The following MOXD1 variants were observed in gnomAD, a reference collection of about 807,000 sequenced individuals.
MOXD1 encodes DBH-like monooxygenase protein 1.
A neutral mutation model predicts 66.6 loss-of-function variants in MOXD1; 62 were observed. That is an observed-to-expected ratio of 0.93 (90% CI 0.76 to 1.15). MOXD1 has a LOEUF of 1.15. Among genes scored for constraint, MOXD1 ranks in the 50% most tolerant of loss-of-function variants. The probability of loss-of-function intolerance (pLI) is 0.00; values close to 1 mark genes in which losing one functional copy is unlikely to be tolerated. For missense variants in MOXD1, 847 were observed against 754.6 expected, an observed-to-expected ratio of 1.12 and a Z score of -1.44; for synonymous variants, 303 against 281.9, an observed-to-expected ratio of 1.07 and a Z score of -0.75.
At chr6:132,391,100 G>T (rs934299692) in intron 1 of MOXD1, 1 of 151,310 alleles carries the variant, frequency 6.6e-6, no homozygotes, top group Non-Finnish European at 1.5e-5. Context: ...GTTACCTAAG[G>T]TTTAGTTTTC....
intron 1 of MOXD1, among the ~76,000 whole-genome samples, chr6:132,389,476 T>C (rs1776712470): frequency 6.6e-6 from 1 of 151,246 alleles, no homozygotes; most frequent in African/African-American, 2.4e-5. Context: ...ATAAGGTCAG[T>C]AGTTACTCAA....
rs775490430 is a variant in MOXD1 at position 132,323,927 on chromosome 6, A to C, written c.1113+4T>G. ...AGAGCAGCTCAGACTCAGATGCTGC[A>C]TACCTCTTCCAGGCACTCCAAAGTG... On this transcript the variant is annotated splice_donor_region_variant and intron_variant, in intron 7 of 11. Coordinates refer to ENST00000367963, the MANE Select transcript of MOXD1 (RefSeq NM_015529.4). The C allele has an allele frequency of 2.5e-6, 4 of 1,600,158 alleles. No homozygotes were observed. The Admixed American group carries it at 7.2e-5, about 29-fold the overall frequency.
At position 132,326,140 on chromosome 6, in the gene MOXD1, C is replaced by A. The variant is rs184190150; in HGVS notation, c.946+1873G>T. Among the ~76,000 whole-genome samples the A allele has an allele frequency of 2.6e-5, 4 of 151,930 alleles. No individual in the cohort carries two copies. In the East Asian group the frequency reaches 5.8e-4, roughly 22 times the overall value. ...GCTGTTTGGAGCATTAATAGATAAT[C>A]TAGTAAATAAAGTAATAATTTCTTA... is the stretch of plus-strand genomic sequence containing the variant. On this transcript the variant is annotated intron_variant, in intron 6 of 11. Transcript: ENST00000367963.
chr6:132,308,063 A>G (rs1470570495), intron 10 of MOXD1, among the ~76,000 whole-genome samples: 2 of 150,708 alleles, frequency 1.3e-5, no homozygotes, highest in Non-Finnish European at 2.9e-5. Context: ...TCTCAAAAAA[A>G]TCAATGAATC....
Position 132,384,521 on chromosome 6 carries a change from ATACT to A in MOXD1, c.265-9748_265-9745del, listed in dbSNP as rs200034187. ...AAAATATCCAACAATTTTTAGATAA[ATACT>A]TACAGAAAAATAAAACAGAGATAAC... On this transcript the variant is annotated intron_variant, in intron 1 of 11. Transcript: ENST00000367963. 2.4e-4 allele frequency among the ~76,000 whole-genome samples: 37 copies of A among 152,348 alleles called. No homozygotes were observed. In the East Asian group the frequency reaches 5.6e-3, roughly 23 times the overall value.
chr6:132,299,799 C>A (rs1311566867), intron 10 of MOXD1, among the ~76,000 whole-genome samples: 2 of 152,024 alleles, frequency 1.3e-5, no homozygotes, highest in African/African-American at 4.8e-5. Context: ...CAAGATGTTA[C>A]AGTAATTTCT....
intron 1 of MOXD1, among the ~76,000 whole-genome samples, chr6:132,397,671 A>T (rs1776921891): frequency 7.0e-6 from 1 of 141,848 alleles, no homozygotes; most frequent in Non-Finnish European, 1.6e-5. Flanking sequence ...AGAAAGAAAG[A>T]AAGAAAGAAA....
At position 132,386,015 on chromosome 6, in the gene MOXD1, A is replaced by G. The variant is rs543126365; in HGVS notation, c.265-11238T>C. ...CTACTCGGGAGGCTGCGGCAGGAGAATGGCGTGAACCCAGGAGGCGTAGCT... is the reference window on the plus strand; with the variant it reads ...CTACTCGGGAGGCTGCGGCAGGAGAGTGGCGTGAACCCAGGAGGCGTAGCT... On this transcript the variant is annotated intron_variant, in intron 1 of 11. Coordinates refer to ENST00000367963, the MANE Select transcript of MOXD1 (RefSeq NM_015529.4). Among the ~76,000 whole-genome samples, 4 of 149,508 alleles carry G rather than the reference A, an allele frequency of 2.7e-5. No homozygotes were observed. The South Asian group carries it at 8.6e-4, about 32-fold the overall frequency.
chr6:132,318,279 ATAC>A (rs1775000939), intron 9 of MOXD1, among the ~76,000 whole-genome samples: 1 of 152,092 alleles, frequency 6.6e-6, no homozygotes, highest in Non-Finnish European at 1.5e-5. Context: ...AGATAATGCC[ATAC>A]TTTTCCCCAA....
At chr6:132,398,634 G>A (rs1209128706) in intron 1 of MOXD1, among the ~76,000 whole-genome samples, 2 of 152,062 alleles carry the variant, frequency 1.3e-5, no homozygotes, top group Non-Finnish European at 2.9e-5. Context: ...AATCAAATAT[G>A]CTACATTTAA....
At position 132,372,900 on chromosome 6, in the gene MOXD1, C is replaced by T. The variant is rs377603332; in HGVS notation, c.509G>A (p.Arg170Gln). The change falls in exon 3 of 12, where the codon CGG becomes CAG. Residue 170 changes from arginine to glutamine, a missense_variant. Coordinates refer to ENST00000367963, the MANE Select transcript of MOXD1 (RefSeq NM_015529.4). The stretch of plus-strand genomic sequence containing the variant: ...ACTAGTTTTCTCAGGATTCAATAAC[C>T]GCAAACTCTTGGTGCCCCTATTGGA... ...HDSNRGTKSL[R>Q]LLNPEKTSVL... is the part of the protein sequence containing the mutation. The T allele has an allele frequency of 6.6e-5, 107 of 1,613,836 alleles. No individual in the cohort carries two copies. Among genetic ancestry groups the T allele is most frequent in the Middle Eastern group, 1.6e-4 (1 of 6,084 alleles).
chr6:132,349,438 T>TATATATATATATACATATATATATATAC (rs1473079376), intron 4 of MOXD1, among the ~76,000 whole-genome samples: 2 of 14,688 alleles, frequency 1.4e-4, no homozygotes, highest in Non-Finnish European at 2.2e-4. Flanking sequence ...TATATATACA[T>TATATATATATATACATATATATATATAC]ATATATATAT....
rs1775732047 is a variant in MOXD1 at position 132,349,172 on chromosome 6, T to C, written c.664-20578A>G. Among the ~76,000 whole-genome samples, 3 of 147,526 alleles carry C rather than the reference T, an allele frequency of 2.0e-5. No homozygotes were observed. In the South Asian group the frequency reaches 6.7e-4, roughly 33 times the overall value. ...CAAGTCCCCAAAGTCCATTGTATCATTCTTATGCCTTTGCGTCCTCATAGC... is the reference window on the plus strand; with the variant it reads ...CAAGTCCCCAAAGTCCATTGTATCACTCTTATGCCTTTGCGTCCTCATAGC... On this transcript the variant is annotated intron_variant, in intron 4 of 11. Coordinates refer to ENST00000367963, the MANE Select transcript of MOXD1 (RefSeq NM_015529.4).
chr6:132,367,768 A>G (rs1421520380), intron 4 of MOXD1, among the ~76,000 whole-genome samples: 1 of 152,150 alleles, frequency 6.6e-6, no homozygotes, highest in Non-Finnish European at 1.5e-5. Flanking sequence ...AGGAGGCACC[A>G]TTTCCATTTA....
Position 132,303,871 on chromosome 6 carries a change from AT to A in MOXD1, c.1509-5917del, listed in dbSNP as rs1562276519. ...TATATATATATATATATATATATATATATATATACATATATACATAAAACCT... is the reference window on the plus strand; with the variant it reads ...TATATATATATATATATATATATATAATATATACATATATACATAAAACCT... On this transcript the variant is annotated intron_variant, in intron 10 of 11. Coordinates refer to ENST00000367963, the MANE Select transcript of MOXD1 (RefSeq NM_015529.4). Among the ~76,000 whole-genome samples the A allele has an allele frequency of 2.9e-3, 147 of 51,296 alleles. 1 individual carries two copies. Among genetic ancestry groups the A allele is most frequent in the African/African-American group, 5.6e-3 (29 of 5,166 alleles). The allele number at this position is 51,296 out of a possible 152,430, so 33.7% of individuals were successfully genotyped here.
chr6:132,332,090 G>A (rs1448539323), intron 4 of MOXD1, among the ~76,000 whole-genome samples: 1 of 152,230 alleles, frequency 6.6e-6, no homozygotes, highest in African/African-American at 2.4e-5. Context: ...TGGCCTCTAG[G>A]ATGAGAAGAC....
At chr6:132,332,473 C>G (rs1775342144) in intron 4 of MOXD1, among the ~76,000 whole-genome samples, 1 of 152,082 alleles carries the variant, frequency 6.6e-6, no homozygotes, top group Admixed American at 6.5e-5. Flanking sequence ...GAAAAAATTA[C>G]CTGACTATCA....
At chr6:132,383,696 G>GA (rs991743512) in intron 1 of MOXD1, among the ~76,000 whole-genome samples, 3 of 152,110 alleles carry the variant, frequency 2.0e-5, no homozygotes, top group Non-Finnish European at 4.4e-5. Flanking sequence ...TATTTCAGTG[G>GA]AAAAAACAAT....
chr6:132,332,337 G>A (rs777276638), intron 4 of MOXD1, among the ~76,000 whole-genome samples: 25 of 151,972 alleles, frequency 1.6e-4, no homozygotes, highest in African/African-American at 1.9e-4. Flanking sequence ...AAAAAGGCTT[G>A]GAAGAAGCAA....
Sources: gnomAD v4.1 joint callset for allele counts (sites outside exome capture counted in the v4.1 genomes callset) on GRCh38, gnomAD v4.1.1 for gene constraint, MANE v1.5 for transcripts, NCBI Gene and HGNC (gene_info 2026-07-23, HGNC 2026-07-21) for gene names.